The following GRIP1 variants were observed in gnomAD, a reference collection of about 807,000 sequenced individuals.
The protein encoded by GRIP1 is glutamate receptor interacting protein 1.
GRIP1 carries 45 observed loss-of-function variants against 129.9 expected under a neutral mutation model. That is an observed-to-expected ratio of 0.35 (90% CI 0.27 to 0.44). The LOEUF (loss-of-function observed/expected upper bound fraction) is 0.44. GRIP1 is among the 20% of genes least tolerant of loss of function. GRIP1 has a pLI of 1.00. For missense variants in GRIP1, 1,196 were observed against 1,396.8 expected (o/e 0.86, Z 2.29); for synonymous variants, 530 against 520.8 (o/e 1.02, Z -0.24).
At chr12:66,602,848 CTTT>C (rs71436016) in intron 1 of GRIP1, among the ~76,000 whole-genome samples, 3 of 71,658 alleles carry the variant, frequency 4.2e-5, no homozygotes, top group African/African-American at 9.5e-5. Context: ...AGATCTTTTG[CTTT>C]TTTTTTTTTT....
intron 1 of GRIP1, among the ~76,000 whole-genome samples, chr12:66,875,487 C>A (rs2040367887): frequency 6.6e-6 from 1 of 152,112 alleles, no homozygotes; most frequent in Non-Finnish European, 1.5e-5. Context: ...AGGGCTCCAT[C>A]ATTCCACAGG....
intron 1 of GRIP1, among the ~76,000 whole-genome samples, chr12:66,966,562 C>T (rs571374356): frequency 1.3e-5 from 2 of 152,290 alleles, no homozygotes; most frequent in Non-Finnish European, 2.9e-5. Flanking sequence ...TCCAAGAAAA[C>T]ATATTTCATT....
intron 1 of GRIP1, among the ~76,000 whole-genome samples, chr12:66,757,415 ATTT>A (rs553900234): frequency 4.6e-5 from 7 of 151,842 alleles, no homozygotes; most frequent in Non-Finnish European, 8.8e-5. Context: ...ATAAGATCTC[ATTT>A]TTTTTGTCTG....
chr12:66,469,456 C>A, intron 7 of GRIP1, among the ~76,000 whole-genome samples: 1 of 152,034 alleles, frequency 6.6e-6, no homozygotes, highest in East Asian at 1.9e-4. Context: ...GGATAAAAAT[C>A]CTCAGACCTT....
chr12:66,572,291 T>A (rs546298662), intron 2 of GRIP1, among the ~76,000 whole-genome samples: 13 of 152,318 alleles, frequency 8.5e-5, no homozygotes. Flanking sequence ...GTTTATTGAG[T>A]ACAGTCTAGG....
chr12:66,423,090 G>A (rs2057864803), intron 14 of GRIP1, among the ~76,000 whole-genome samples: 1 of 152,144 alleles, frequency 6.6e-6, no homozygotes, highest in South Asian at 2.1e-4. Flanking sequence ...ATAGATACAT[G>A]GCTTCTTTTA....
intron 1 of GRIP1, among the ~76,000 whole-genome samples, chr12:66,765,135 T>TCA (rs200341897): frequency 0.49 from 73,889 of 151,726 alleles, 18,348 homozygotes; most frequent in Middle Eastern, 0.67. Context: ...TTCATTGAAA[T>TCA]CACATTTGGT....
chr12:66,498,094 T>C (rs1327791884), intron 7 of GRIP1, among the ~76,000 whole-genome samples: 2 of 152,154 alleles, frequency 1.3e-5, no homozygotes, highest in Non-Finnish European at 2.9e-5. Flanking sequence ...CCAAATCCTA[T>C]AAAACTGCCC....
rs565461695 is a variant in GRIP1, at chr12:66,594,650, C to G, written c.136+2197G>C. On this transcript the variant is annotated intron_variant, in intron 2 of 24. Transcript: ENST00000359742. ...TGGTCCAGCTTAGTCCAGGAGTGGT[C>G]AGGAGACCACTTCAGGATTTTTCAT... is the stretch of plus-strand genomic sequence containing the variant. 2.0e-5 allele frequency among the ~76,000 whole-genome samples: 3 copies of G among 152,132 alleles called. No individual in the cohort carries two copies. The East Asian group carries it at 5.8e-4, about 29-fold the overall frequency.
chr12:67,042,964 C>CG (rs2043201273), intron 1 of GRIP1, among the ~76,000 whole-genome samples: 2 of 152,190 alleles, frequency 1.3e-5, no homozygotes, highest in Non-Finnish European at 2.9e-5. Context: ...GACTTGTCCA[C>CG]ATGATAGCAC....
intron 1 of GRIP1, among the ~76,000 whole-genome samples, chr12:66,676,955 A>AGGTAC (rs2034365337): frequency 6.6e-6 from 1 of 152,188 alleles, no homozygotes; most frequent in African/African-American, 2.4e-5. Flanking sequence ...TGGCAAGGCA[A>AGGTAC]GGTACCGTGT....
chr12:66,913,912 T>A (rs528538470), intron 1 of GRIP1, among the ~76,000 whole-genome samples: 1 of 152,326 alleles, frequency 6.6e-6, no homozygotes, highest in African/African-American at 2.4e-5. Context: ...AGTATTTAAA[T>A]ACTGATTTTG....
intron 1 of GRIP1, among the ~76,000 whole-genome samples, chr12:67,042,005 T>C (rs1258261451): frequency 1.3e-5 from 2 of 152,118 alleles, no homozygotes; most frequent in Non-Finnish European, 2.9e-5. Flanking sequence ...AAGGGGAGAT[T>C]AGGCCATGAG....
At chr12:66,522,222 C>G (rs989721321) in intron 5 of GRIP1, among the ~76,000 whole-genome samples, 1 of 152,220 alleles carries the variant, frequency 6.6e-6, no homozygotes, top group African/African-American at 2.4e-5. Context: ...GTCCCTGACC[C>G]CCGAGCAGAC....
At chr12:66,419,278 A>C (rs2057718792) in intron 15 of GRIP1, among the ~76,000 whole-genome samples, 1 of 151,800 alleles carries the variant, frequency 6.6e-6, no homozygotes, top group Non-Finnish European at 1.5e-5. Flanking sequence ...AGAGAGTAGA[A>C]GGATGGTTAC....
intron 1 of GRIP1, among the ~76,000 whole-genome samples, chr12:66,892,477 G>A (rs1261455001): frequency 6.6e-6 from 1 of 152,144 alleles, no homozygotes; most frequent in Non-Finnish European, 1.5e-5. Context: ...TCACCAATGA[G>A]AGCAAGTTAC....
chr12:66,838,669 G>A (rs1421957430), intron 1 of GRIP1, among the ~76,000 whole-genome samples: 1 of 152,182 alleles, frequency 6.6e-6, no homozygotes, highest in Admixed American at 6.5e-5. Flanking sequence ...CCCGATAAGG[G>A]GGCACAATGT....
intron 1 of GRIP1, among the ~76,000 whole-genome samples, chr12:66,790,516 A>G (rs1309867154): frequency 1.3e-5 from 2 of 152,158 alleles, no homozygotes; most frequent in Non-Finnish European, 2.9e-5. Context: ...ATTAAGCTCT[A>G]ACTATGGACT....
intron 14 of GRIP1, among the ~76,000 whole-genome samples, chr12:66,423,081 T>C (rs2057863974): frequency 6.6e-6 from 1 of 152,234 alleles, no homozygotes; most frequent in South Asian, 2.1e-4. Flanking sequence ...AGATTTTATA[T>C]AGATACATGG....
Sources: gnomAD v4.1 joint callset for allele counts (sites outside exome capture counted in the v4.1 genomes callset) on GRCh38, gnomAD v4.1.1 for gene constraint, MANE v1.5 for transcripts, NCBI Gene and HGNC (gene_info 2026-07-23, HGNC 2026-07-21) for gene names.